The following ABLIM1 variants were observed in gnomAD, a reference collection of about 807,000 sequenced individuals.
ABLIM1 encodes the protein actin-binding LIM protein 1.
Under a neutral mutation model 107.0 loss-of-function variants are expected in ABLIM1, and 40 were observed. That is an observed-to-expected ratio of 0.37 (90% CI 0.29 to 0.49). The LOEUF is 0.49. ABLIM1 is among the 20% of genes least tolerant of loss of function. ABLIM1 has a pLI of 0.97. For missense variants in ABLIM1, 857 were observed against 1,008.5 expected, an observed-to-expected ratio of 0.85 and a Z score of 2.04; for synonymous variants, 357 against 357.3, an observed-to-expected ratio of 1.00 and a Z score of 0.01.
chr10:114,571,598 A>C (rs114661025), intron 3 of ABLIM1, among the ~76,000 whole-genome samples, 192 bp from the exon 4 acceptor site: 8 of 152,278 alleles, frequency 5.3e-5, no homozygotes, highest in African/African-American at 1.9e-4. Flanking sequence ...TCATTTTGAG[A>C]AGAAAGGGGA....
rs1306070960 is a variant in ABLIM1, at chr10:114,453,272, C to T, written c.1546+107G>A. ...GATCCTGCAATTTAGGGTTTGTTAA[C>T]TGTGCATCCCAATTAAAAGAGCATG... is the stretch of plus-strand genomic sequence containing the variant. On this transcript the variant is annotated intron_variant, in intron 13 of 22. Transcript: ENST00000533213. 1.7e-5 allele frequency: 21 copies of T among 1,211,366 alleles called. No individual in the cohort carries two copies. In the Admixed American group the frequency reaches 3.4e-4, roughly 20 times the overall value. The allele number at this position is 1,211,366 out of a possible 1,614,324, so 75.0% of individuals were successfully genotyped here.
intron 1 of ABLIM1, chr10:114,767,995 C>A (rs1235428427): frequency 4.8e-6 from 2 of 416,400 alleles, no homozygotes; most frequent in South Asian, 1.6e-5. Flanking sequence ...TCGCAGCCCC[C>A]CCGCCCTCCC....
At chr10:114,480,213 G>A (rs1156741632) in intron 8 of ABLIM1, among the ~76,000 whole-genome samples, 1 of 152,112 alleles carries the variant, frequency 6.6e-6, no homozygotes, top group Non-Finnish European at 1.5e-5. Context: ...CCATTCAGAT[G>A]TCCAGGGTAA....
chr10:114,586,057 G>A (rs1241620639), intron 2 of ABLIM1, among the ~76,000 whole-genome samples: 1 of 152,118 alleles, frequency 6.6e-6, no homozygotes, highest in African/African-American at 2.4e-5. Context: ...AAGTTCCTCT[G>A]GCATAGCATC....
At chr10:114,455,527 T>C (rs2062650912) in intron 12 of ABLIM1, among the ~76,000 whole-genome samples, 1 of 152,236 alleles carries the variant, frequency 6.6e-6, no homozygotes, top group South Asian at 2.1e-4. Flanking sequence ...GATTATAATT[T>C]GCATTTAGAA....
chr10:114,480,200 C>T (rs1396505550), intron 8 of ABLIM1, among the ~76,000 whole-genome samples: 1 of 152,174 alleles, frequency 6.6e-6, no homozygotes, highest in Non-Finnish European at 1.5e-5. Flanking sequence ...TTACCATTTC[C>T]ACCCATTCAG....
At chr10:114,739,797 T>G (rs1170479837) in intron 1 of ABLIM1, among the ~76,000 whole-genome samples, 2 of 152,188 alleles carry the variant, frequency 1.3e-5, no homozygotes, top group Non-Finnish European at 1.5e-5. Flanking sequence ...CCAACTTGAC[T>G]AGCATTCAGG....
intron 8 of ABLIM1, among the ~76,000 whole-genome samples, chr10:114,484,141 G>C (rs2057817415): frequency 6.6e-6 from 1 of 152,174 alleles, no homozygotes; most frequent in Non-Finnish European, 1.5e-5. Flanking sequence ...ATAGCAGGAT[G>C]AATATGAGTG....
At chr10:114,737,070 C>T (rs1258264300) in intron 1 of ABLIM1, among the ~76,000 whole-genome samples, 2 of 151,430 alleles carry the variant, frequency 1.3e-5, no homozygotes, top group African/African-American at 4.9e-5. Flanking sequence ...GTGCCTGTAA[C>T]CCCAGCTACT....
At chr10:114,712,353 GAAAA>G (rs10583793) in intron 1 of ABLIM1, among the ~76,000 whole-genome samples, 61 of 44,104 alleles carry the variant, frequency 1.4e-3, no homozygotes, top group African/African-American at 5.1e-3. Flanking sequence ...ACTCCGTCTC[GAAAA>G]AAAAAAAAAA....
intron 5 of ABLIM1, among the ~76,000 whole-genome samples, chr10:114,546,165 C>T (rs1298792283): frequency 6.6e-6 from 1 of 152,042 alleles, no homozygotes; most frequent in Admixed American, 6.5e-5. Flanking sequence ...CATGGAAAAG[C>T]TATAGAGTGC....
In ABLIM1 at chr10:114,509,373, A is replaced by G. The variant is rs372381376; in HGVS notation, c.895-17495T>C. On this transcript the variant is annotated intron_variant, in intron 6 of 22. Transcript: ENST00000533213. The stretch of plus-strand genomic sequence containing the variant: ...GGCTCAGGCAGTATTTGTTGAGGCA[A>G]CCAAGGAGCTCTTTGCTCCCCTTGT... Among the ~76,000 whole-genome samples the G allele has an allele frequency of 5.8e-4, 89 of 152,182 alleles. 3 individuals are homozygous for G. The South Asian group carries it at 0.019, about 32-fold the overall frequency.
At chr10:114,693,870 T>C (rs1057281293) in intron 1 of ABLIM1, among the ~76,000 whole-genome samples, 1 of 150,620 alleles carries the variant, frequency 6.6e-6, no homozygotes, top group Non-Finnish European at 1.5e-5. Context: ...GCTGTGTTGC[T>C]CAGGCTGGTC....
At chr10:114,750,444 T>C (rs1374830764) in intron 1 of ABLIM1, among the ~76,000 whole-genome samples, 1 of 152,214 alleles carries the variant, frequency 6.6e-6, no homozygotes, top group Non-Finnish European at 1.5e-5. Flanking sequence ...GGAAATAGAT[T>C]TGATAAGGAC....
At chr10:114,598,851 T>G (rs2075713937) in intron 2 of ABLIM1, among the ~76,000 whole-genome samples, 1 of 152,190 alleles carries the variant, frequency 6.6e-6, no homozygotes, top group Non-Finnish European at 1.5e-5. Flanking sequence ...TTTTTTAATT[T>G]ATTTTTTAAG....
At chr10:114,583,468 C>T (rs11196792) in intron 2 of ABLIM1, among the ~76,000 whole-genome samples, 227 of 13,374 alleles carry the variant, frequency 0.017, 1 homozygote, top group Middle Eastern at 0.042. Context: ...CACACACACA[C>T]ATATATATAT....
intron 6 of ABLIM1, among the ~76,000 whole-genome samples, chr10:114,541,929 C>G (rs990387174): frequency 6.6e-6 from 1 of 152,038 alleles, no homozygotes; most frequent in African/African-American, 2.4e-5. Flanking sequence ...CACACTCACA[C>G]ACTCAGACAC....
intron 6 of ABLIM1, among the ~76,000 whole-genome samples, chr10:114,505,505 T>G (rs564646964): frequency 6.6e-6 from 1 of 152,340 alleles, no homozygotes; most frequent in South Asian, 2.1e-4. Flanking sequence ...CATCTCCTAG[T>G]TGCCAAATAG....
intron 1 of ABLIM1, among the ~76,000 whole-genome samples, chr10:114,711,087 A>G (rs2081538555): frequency 6.6e-6 from 1 of 152,234 alleles, no homozygotes; most frequent in African/African-American, 2.4e-5. Flanking sequence ...TTGTCCCTGT[A>G]TGTCTTCTGT....
Sources: gnomAD v4.1 joint callset for allele counts (sites outside exome capture counted in the v4.1 genomes callset) on GRCh38, gnomAD v4.1.1 for gene constraint, MANE v1.5 for transcripts, NCBI Gene and HGNC (gene_info 2026-07-23, HGNC 2026-07-21) for gene names.